The following ATRNL1 variants were observed in gnomAD, a reference collection of about 807,000 sequenced individuals.
The protein encoded by ATRNL1 is attractin like 1, also known as attractin-like protein 1.
ATRNL1 carries 95 observed loss-of-function variants against 182.7 expected under a neutral mutation model. That is an observed-to-expected ratio of 0.52 (90% CI 0.44 to 0.62). The LOEUF (loss-of-function observed/expected upper bound fraction) is 0.62, where lower values mean the gene tolerates loss of function less well. Among genes scored for constraint, ATRNL1 ranks in the 20% least tolerant of loss-of-function variants. ATRNL1 has a pLI of 0.00. For synonymous variants in ATRNL1, 576 were observed against 568.3 expected, an observed-to-expected ratio of 1.01 and a Z score of -0.19; for missense variants, 1,471 against 1,679.5, an observed-to-expected ratio of 0.88 and a Z score of 2.17.
At chr10:115,894,288 T>G (rs1371854856) in intron 28 of ATRNL1, among the ~76,000 whole-genome samples, 1 of 152,230 alleles carries the variant, frequency 6.6e-6, no homozygotes, top group African/African-American at 2.4e-5. Context: ...GAATTTCGGC[T>G]CTTGTGTTCC....
intron 9 of ATRNL1, among the ~76,000 whole-genome samples, chr10:115,223,056 G>T (rs1554897808): frequency 2.6e-5 from 4 of 152,152 alleles, no homozygotes; most frequent in Admixed American, 2.0e-4. Context: ...GAGGTGGGCA[G>T]ATCACTTGAA....
chr10:115,195,359 A>AT (rs1158192148), intron 8 of ATRNL1, among the ~76,000 whole-genome samples: 2 of 151,942 alleles, frequency 1.3e-5, no homozygotes, highest in South Asian at 2.1e-4. Flanking sequence ...TTGAAGGATA[A>AT]TTTTGCTGGA....
chr10:115,438,503 A>G (rs1409811625), intron 21 of ATRNL1, among the ~76,000 whole-genome samples: 1 of 151,886 alleles, frequency 6.6e-6, no homozygotes, highest in African/African-American at 2.4e-5. Flanking sequence ...CCACCTAATC[A>G]TTAGTTTTTA....
intron 24 of ATRNL1, among the ~76,000 whole-genome samples, chr10:115,494,303 C>T (rs1490379894): frequency 2.0e-5 from 3 of 152,160 alleles, no homozygotes; most frequent in Non-Finnish European, 4.4e-5. Context: ...GACTTCCTCT[C>T]ATCCTGTTTG....
intron 19 of ATRNL1, among the ~76,000 whole-genome samples, chr10:115,347,259 A>T (rs1210471078): frequency 1.3e-5 from 2 of 152,164 alleles, no homozygotes; most frequent in Admixed American, 6.5e-5. Context: ...GTAGTTTATG[A>T]AATTTTTAAA....
intron 21 of ATRNL1, among the ~76,000 whole-genome samples, chr10:115,448,352 G>C (rs1313349399): frequency 6.6e-6 from 1 of 152,030 alleles, no homozygotes; most frequent in Non-Finnish European, 1.5e-5. Context: ...CACACTCTTG[G>C]ACCATGTGAA....
intron 10 of ATRNL1, among the ~76,000 whole-genome samples, chr10:115,263,897 A>C (rs1564862235): frequency 6.6e-6 from 1 of 151,614 alleles, no homozygotes; most frequent in African/African-American, 2.4e-5. Context: ...GTGTTAAATA[A>C]AGTTAGGTTA....
intron 1 of ATRNL1, among the ~76,000 whole-genome samples, chr10:115,103,566 A>G (rs1843873436): frequency 6.6e-6 from 1 of 152,148 alleles, no homozygotes; most frequent in African/African-American, 2.4e-5. Context: ...CAGGTATACA[A>G]TGCCTAATAA....
intron 28 of ATRNL1, among the ~76,000 whole-genome samples, chr10:115,869,930 C>G (rs1555105666): frequency 7.7e-6 from 1 of 130,466 alleles, no homozygotes; most frequent in African/African-American, 2.9e-5. Context: ...CCTAATTATT[C>G]TCCTCTTCTT....
chr10:115,942,176 A>G (rs912349153), intron 28 of ATRNL1, among the ~76,000 whole-genome samples: 10 of 152,182 alleles, frequency 6.6e-5, no homozygotes, highest in African/African-American at 2.4e-4. Flanking sequence ...TAAATAATGC[A>G]CTTACATAAT....
intron 28 of ATRNL1, among the ~76,000 whole-genome samples, chr10:115,933,302 C>A (rs889870604): frequency 1.3e-5 from 2 of 152,208 alleles, no homozygotes; most frequent in Admixed American, 6.5e-5. Context: ...TCATAGAAAC[C>A]ACACACCTAA....
intron 26 of ATRNL1, among the ~76,000 whole-genome samples, chr10:115,608,409 G>A (rs1257163721): frequency 3.3e-5 from 5 of 152,020 alleles, no homozygotes; most frequent in Non-Finnish European, 7.4e-5. Flanking sequence ...ATGAAGTTCT[G>A]TATCAGAATT....
In ATRNL1 at chr10:115,172,872, C is replaced by T. The variant is rs925523826; in HGVS notation, c.1348+1580C>T. ...TTTTTTTTATGATATCCGGTACTTACTCAGCTGTAAGTTTATAATTACTCA... is the reference window on the plus strand; with the variant it reads ...TTTTTTTTATGATATCCGGTACTTATTCAGCTGTAAGTTTATAATTACTCA... On this transcript the variant is annotated intron_variant, in intron 8 of 28. Coordinates refer to ENST00000355044, the MANE Select transcript of ATRNL1 (RefSeq NM_207303.4). Among the ~76,000 whole-genome samples the T allele has an allele frequency of 4.7e-5, 7 of 149,144 alleles. No individual in the cohort carries two copies. In the East Asian group the frequency reaches 1.4e-3, roughly 31 times the overall value.
chr10:115,682,145 C>G (rs1282132987), intron 26 of ATRNL1, among the ~76,000 whole-genome samples: 2 of 152,132 alleles, frequency 1.3e-5, no homozygotes, highest in Non-Finnish European at 2.9e-5. Context: ...GATAGATAAA[C>G]TGAACACAAG....
intron 26 of ATRNL1, among the ~76,000 whole-genome samples, chr10:115,610,328 G>A (rs1370927916): frequency 1.3e-5 from 2 of 152,046 alleles, no homozygotes; most frequent in East Asian, 1.9e-4. Flanking sequence ...TTTAATAAAC[G>A]AATGAAAGCA....
At chr10:115,876,878 G>A (rs1011432503) in intron 28 of ATRNL1, among the ~76,000 whole-genome samples, 2 of 152,078 alleles carry the variant, frequency 1.3e-5, no homozygotes, top group African/African-American at 2.4e-5. Flanking sequence ...TTCCAGGAAA[G>A]GAAACATTTT....
chr10:115,797,841 G>A (rs1034919101), intron 27 of ATRNL1, among the ~76,000 whole-genome samples: 2 of 152,216 alleles, frequency 1.3e-5, no homozygotes, highest in Non-Finnish European at 2.9e-5. Context: ...GTTGCAGGCA[G>A]TGGCAGGAGC....
At position 115,545,137 on chromosome 10, in the gene ATRNL1, A is replaced by C. The variant is rs1852575679; in HGVS notation, c.3717-4321A>C. Reference sequence around the variant, plus strand: ...TTTAAAAACCAATTTAGGGAGGCTGAGGCAGGAGAATGGCGTGAACCCGGG... The same window carrying C: ...TTTAAAAACCAATTTAGGGAGGCTGCGGCAGGAGAATGGCGTGAACCCGGG... On this transcript the variant is annotated intron_variant, in intron 25 of 28. Transcript: ENST00000355044. Among the ~76,000 whole-genome samples, 5 of 149,804 alleles carry C rather than the reference A, an allele frequency of 3.3e-5. No individual in the cohort carries two copies. The South Asian group carries it at 1.1e-3, about 32-fold the overall frequency.
chr10:115,721,115 T>C (rs1555057654), intron 26 of ATRNL1, among the ~76,000 whole-genome samples: 1 of 152,154 alleles, frequency 6.6e-6, no homozygotes, highest in Admixed American at 6.5e-5. Flanking sequence ...GATCTGCAGT[T>C]TGAGGAATCT....
Sources: allele counts gnomAD v4.1 joint callset (sites outside exome capture counted in the v4.1 genomes callset), GRCh38; gene constraint gnomAD v4.1.1; transcripts MANE v1.5; gene names NCBI Gene and HGNC (gene_info 2026-07-23, HGNC 2026-07-21).